Variants in HEATR4 observed in about 807,000 individuals in gnomAD.
HEATR4 encodes HEAT repeat-containing protein 4.
Under a neutral mutation model 108.8 loss-of-function variants are expected in HEATR4, and 95 were observed. The ratio of observed to expected loss-of-function variants is 0.87; its 90% CI spans 0.74 to 1.04. HEATR4 has a LOEUF of 1.04. Ranked by LOEUF, HEATR4 falls within the 50% of genes least tolerant of loss-of-function variation. HEATR4 has a pLI of 0.00. For missense variants in HEATR4, 1,152 were observed against 1,253.8 expected (o/e 0.92, Z 1.23); for synonymous variants, 443 against 459.4 (o/e 0.96, Z 0.46).
chr14:73,506,402 TAGA>T (rs1450419270), intron 10 of HEATR4, 62 bp downstream of exon 10: 8 of 1,134,502 alleles, frequency 7.1e-6, no homozygotes, highest in African/African-American at 1.5e-5. Flanking sequence ...CAGCAAAAAG[TAGA>T]AGGCCTCTGT....
At chr14:73,527,098 G>C (rs573899124) in intron 2 of HEATR4, 2 of 152,272 alleles carry the variant, frequency 1.3e-5, no homozygotes, top group East Asian at 3.9e-4. Flanking sequence ...GCACCCCCTG[G>C]TATACATCAG....
chr14:73,483,858 A>AT (rs998191820), intron 17 of HEATR4, among the ~76,000 whole-genome samples: 109 of 146,670 alleles, frequency 7.4e-4, no homozygotes, highest in Admixed American at 1.1e-3. Flanking sequence ...TTAGATGTCA[A>AT]TTTTTTTTTT....
At chr14:73,561,323 G>A (rs969388470), upstream of HEATR4, among the ~76,000 whole-genome samples, 6 of 151,138 alleles carry the variant, frequency 4.0e-5, no homozygotes, top group African/African-American at 9.7e-5. Flanking sequence ...CCAAGATCTC[G>A]CCATTGTGGT....
At chr14:73,569,801 C>T in the HEATR4 span, 3 of 1,603,162 alleles carry the variant, frequency 1.9e-6, no homozygotes, top group Non-Finnish European at 1.7e-6. Flanking sequence ...AGACGCGGCA[C>T]GAGCGCTACT....
chr14:73,578,131 G>A, the HEATR4 span, among the ~76,000 whole-genome samples: 22 of 151,720 alleles, frequency 1.5e-4, no homozygotes, highest in Non-Finnish European at 3.1e-4. Flanking sequence ...GATTATAGGC[G>A]TGAGCCACCG....
chr14:73,544,831 G>C (rs1233950010), intron 1 of HEATR4, among the ~76,000 whole-genome samples: 4 of 111,728 alleles, frequency 3.6e-5, no homozygotes, highest in African/African-American at 1.2e-4. Context: ...GGGAGGCTGA[G>C]GTGGGAGAAC....
chr14:73,567,221 G>A, the HEATR4 span, among the ~76,000 whole-genome samples: 1 of 152,118 alleles, frequency 6.6e-6, no homozygotes, highest in African/African-American at 2.4e-5. Flanking sequence ...ACAGGCGTGA[G>A]CCATCTTGCC....
intron 2 of HEATR4, among the ~76,000 whole-genome samples, chr14:73,524,006 G>C (rs1327134191): frequency 6.6e-6 from 1 of 151,956 alleles, no homozygotes; most frequent in East Asian, 1.9e-4. Flanking sequence ...TTTAATAGCT[G>C]TAGGCCGGGC....
the HEATR4 span, among the ~76,000 whole-genome samples, chr14:73,583,465 C>A: frequency 6.6e-6 from 1 of 151,964 alleles, no homozygotes; most frequent in East Asian, 1.9e-4. Context: ...CTTTAAAAAC[C>A]CTGTTATAGG....
the HEATR4 span, among the ~76,000 whole-genome samples, chr14:73,632,893 T>G: frequency 1.3e-5 from 2 of 151,872 alleles, no homozygotes; most frequent in African/African-American, 4.8e-5. Flanking sequence ...TTGTAAGCTT[T>G]TCTTCTGCAT....
At chr14:73,527,961 C>CAAAAA (rs34109465) in intron 2 of HEATR4, among the ~76,000 whole-genome samples, 8 of 52,678 alleles carry the variant, frequency 1.5e-4, no homozygotes, top group South Asian at 1.5e-3. Flanking sequence ...AACTCCATCT[C>CAAAAA]AAAAAAAAAA....
upstream of HEATR4, among the ~76,000 whole-genome samples, chr14:73,560,672 A>AG (rs1889517566): frequency 1.3e-5 from 2 of 151,418 alleles, no homozygotes; most frequent in African/African-American, 2.4e-5. Flanking sequence ...AAAAAAAAAA[A>AG]AAAAGAAAAT....
intron 4 of HEATR4, chr14:73,520,025 C>T (rs533035855): frequency 6.6e-6 from 1 of 152,136 alleles, no homozygotes; most frequent in Non-Finnish European, 1.5e-5. Flanking sequence ...ACCTATGTAA[C>T]CACTTAGAGG....
At chr14:73,511,886 A>G in intron 7 of HEATR4, 120 bp downstream of exon 7, 1 of 1,206,094 alleles carries the variant, frequency 8.3e-7, no homozygotes, top group Non-Finnish European at 1.2e-6. Context: ...GCCAGTCTCT[A>G]AGTCTTGGTT....
At chr14:73,538,292 G>A (rs1888945080) in intron 1 of HEATR4, among the ~76,000 whole-genome samples, 1 of 114,812 alleles carries the variant, frequency 8.7e-6, no homozygotes. Context: ...AAAACTGAGA[G>A]GTCCCTCAAA....
chr14:73,554,602 C>T (rs1889369931), intron 1 of HEATR4, among the ~76,000 whole-genome samples: 1 of 114,538 alleles, frequency 8.7e-6, no homozygotes, highest in Non-Finnish European at 1.9e-5. Flanking sequence ...TGTAAAATAT[C>T]TTTAAGTAGG....
rs1225297209 is a variant in HEATR4 at position 73,535,651 on chromosome 14, G to GT, written c.-151-5408dup. On this transcript the variant is annotated intron_variant, in intron 1 of 17. Coordinates refer to ENST00000553558, the MANE Select transcript of HEATR4 (RefSeq NM_001220484.1). ...GCCCGGCGAATTTTTTGTATTTTTG[G>GT]TTTTTTTTTAGTAGAGACGGAGTTT... 2.7e-4 allele frequency among the ~76,000 whole-genome samples: 29 copies of GT among 108,656 alleles called. 6 individuals are homozygous for GT. Among genetic ancestry groups the GT allele is most frequent in the African/African-American group, 7.1e-4 (24 of 33,934 alleles). The allele number at this position is 108,656 out of a possible 152,430, so 71.3% of individuals were successfully genotyped here. A position where few individuals can be genotyped will look rare whatever the true frequency, so the allele number is the denominator to read the frequency against.
At chr14:73,570,100 G>A in the HEATR4 span, among the ~76,000 whole-genome samples, 1 of 143,792 alleles carries the variant, frequency 7.0e-6, no homozygotes, top group African/African-American at 2.5e-5. Flanking sequence ...GCACTTTGAG[G>A]GGAGTTACAC....
chr14:73,604,045 CTTT>C, the HEATR4 span, among the ~76,000 whole-genome samples: 1 of 151,908 alleles, frequency 6.6e-6, no homozygotes, highest in Non-Finnish European at 1.5e-5. Flanking sequence ...GCTTATTCTT[CTTT>C]AAGCCAATTA....
Sources: gnomAD v4.1 joint callset for allele counts (sites outside exome capture counted in the v4.1 genomes callset) on GRCh38, gnomAD v4.1.1 for gene constraint, MANE v1.5 for transcripts, NCBI Gene and HGNC (gene_info 2026-07-23, HGNC 2026-07-21) for gene names.